MYBPC1: variants seen among roughly 807,000 people sequenced by gnomAD.
MYBPC1 encodes the protein myosin-binding protein C, slow-type.
Under a neutral mutation model 147.1 loss-of-function variants are expected in MYBPC1, and 52 were observed. That is an observed-to-expected ratio of 0.35 (90% confidence interval 0.28 to 0.45). The LOEUF (loss-of-function observed/expected upper bound fraction) is 0.45, where lower values mean the gene tolerates loss of function less well. Ranked by LOEUF, MYBPC1 falls within the 20% of genes least tolerant of loss-of-function variation. MYBPC1 has a pLI of 1.00. For missense variants in MYBPC1, 1,228 were observed against 1,440.3 expected, an observed-to-expected ratio of 0.85 and a Z score of 2.39; for synonymous variants, 477 against 475.9, an observed-to-expected ratio of 1.00 and a Z score of -0.03.
chr12:101,668,547 G>A (rs1213558057), intron 23 of MYBPC1, among the ~76,000 whole-genome samples: 2 of 152,044 alleles, frequency 1.3e-5, no homozygotes, highest in Non-Finnish European at 2.9e-5. Flanking sequence ...TGCAACCTCT[G>A]CCTCCCGGGT....
At chr12:101,621,219 C>T (rs1284395864) in intron 3 of MYBPC1, among the ~76,000 whole-genome samples, 4 of 152,152 alleles carry the variant, frequency 2.6e-5, no homozygotes, top group Non-Finnish European at 4.4e-5. Flanking sequence ...TCTATGTATT[C>T]TAATTACATT....
Position 101,629,453 on chromosome 12 carries a change from T to C in MYBPC1, c.198T>C (p.Thr66=). 6.2e-7 allele frequency: 1 copy of C among 1,613,290 alleles called. No individual in the cohort carries two copies. The highest frequency in any genetic ancestry group is 1.7e-4 in the Middle Eastern group (1 of 6,060). Residue 66 remains threonine (T), a synonymous_variant, in exon 6 of 32, where the codon ACT becomes ACC. Transcript: ENST00000361466. ...CATCAGACTGGACCCTTGTCGAAAC[T>C]CCTCCTGGGGAGGAACAAGCCAAGC... ...RKDSDWTLVE[T]PPGEEQAKQN... is the part of the protein sequence containing the mutation.
At chr12:101,683,435 T>TA (rs1285932650) in intron 30 of MYBPC1, among the ~76,000 whole-genome samples, 2 of 151,756 alleles carry the variant, frequency 1.3e-5, no homozygotes, top group South Asian at 2.1e-4. Flanking sequence ...AAATAAAAAA[T>TA]AAAAAAAATA....
intron 21 of MYBPC1, 46 bp from the exon 22 acceptor site, chr12:101,663,380 C>T (rs1299953464): frequency 1.3e-6 from 2 of 1,524,646 alleles, no homozygotes; most frequent in Non-Finnish European, 1.8e-6. Flanking sequence ...TGCACTATAG[C>T]TGTGTAGTAA....
intron 23 of MYBPC1, chr12:101,670,036 CA>C: frequency 2.1e-6 from 1 of 474,064 alleles, no homozygotes; most frequent in Non-Finnish European, 3.9e-6. Context: ...CTTATTACAA[CA>C]ATAAAAATAC....
chr12:101,672,190 G>A (rs921086239), intron 24 of MYBPC1, among the ~76,000 whole-genome samples: 13 of 152,130 alleles, frequency 8.5e-5, no homozygotes, highest in African/African-American at 2.4e-4. Context: ...CAACAACGTC[G>A]TTCTCTGCTT....
the MYBPC1 span, among the ~76,000 whole-genome samples, chr12:101,694,589 G>A: frequency 6.6e-6 from 1 of 152,182 alleles, no homozygotes; most frequent in African/African-American, 2.4e-5. Context: ...TCTGTCATGT[G>A]AAGACATAGA....
chr12:101,652,495 TC>T (rs776792792), intron 16 of MYBPC1, among the ~76,000 whole-genome samples, 182 bp from the exon 17 acceptor site: 2 of 152,118 alleles, frequency 1.3e-5, no homozygotes, highest in Non-Finnish European at 2.9e-5. Context: ...TTAATTTGAA[TC>T]AATAAGTAGG....
intron 31 of MYBPC1, 42 bp from the exon 32 acceptor site, chr12:101,685,540 A>G: frequency 7.4e-7 from 1 of 1,345,620 alleles, no homozygotes; most frequent in Non-Finnish European, 1.0e-6. Flanking sequence ...TTTTTCAGGT[A>G]GATGGTTTTG....
At chr12:101,678,334 G>A in intron 28 of MYBPC1, 96 bp downstream of exon 28, 1 of 1,531,238 alleles carries the variant, frequency 6.5e-7, no homozygotes. Context: ...GCTGCTACTT[G>A]TGTCTTCCCA....
At chr12:101,675,867 T>G (rs1899838396) in intron 26 of MYBPC1, among the ~76,000 whole-genome samples, 1 of 152,276 alleles carries the variant, frequency 6.6e-6, no homozygotes, top group Non-Finnish European at 1.5e-5. Flanking sequence ...TGTTGGATAC[T>G]GTGCACTTAT....
At chr12:101,608,131 A>G (rs1388029674) in intron 1 of MYBPC1, among the ~76,000 whole-genome samples, 1 of 152,032 alleles carries the variant, frequency 6.6e-6, no homozygotes, top group Non-Finnish European at 1.5e-5. Context: ...AAAATCCACC[A>G]TAAATAGATC....
At chr12:101,599,203 G>A (rs1878784645) in intron 1 of MYBPC1, among the ~76,000 whole-genome samples, 2 of 152,266 alleles carry the variant, frequency 1.3e-5, no homozygotes, top group South Asian at 4.1e-4. Context: ...GCATGGCTTT[G>A]TTACTGCAGA....
chr12:101,666,791 C>A, intron 22 of MYBPC1: 1 of 1,613,480 alleles, frequency 6.2e-7, no homozygotes, highest in South Asian at 1.1e-5. Context: ...TGCCTATGAT[C>A]TGCCAGGTAA....
rs200603458 is a variant in MYBPC1 at position 101,678,261 on chromosome 12, C to T, written c.3246+23C>T. ...AAGGTACCATGTTCTTCTATCACAT[C>T]AGTTAAAGTCCCTGTCTTGTATTTG... On this transcript the variant is annotated intron_variant, in intron 28 of 31. Coordinates refer to ENST00000361466, the MANE Select transcript of MYBPC1 (RefSeq NM_002465.4). 61 of 1,612,720 alleles carry T rather than the reference C, an allele frequency of 3.8e-5. 1 individual carries two copies. The Middle Eastern group carries it at 5.0e-4, about 13-fold the overall frequency.
intron 12 of MYBPC1, among the ~76,000 whole-genome samples, chr12:101,645,444 G>A (rs950937882): frequency 2.0e-5 from 3 of 152,182 alleles, no homozygotes; most frequent in East Asian, 3.8e-4. Flanking sequence ...CAGCCTGAGA[G>A]ATTTTCAACT....
intron 17 of MYBPC1, 97 bp downstream of exon 17, chr12:101,652,881 A>G: frequency 8.4e-7 from 1 of 1,189,938 alleles, no homozygotes; most frequent in Non-Finnish European, 1.2e-6. Flanking sequence ...AGTGACATTT[A>G]AGGAAAAATA....
chr12:101,623,701 C>T (rs1887947026), intron 3 of MYBPC1, among the ~76,000 whole-genome samples: 1 of 152,142 alleles, frequency 6.6e-6, no homozygotes, highest in African/African-American at 2.4e-5. Context: ...TTAATTTTTA[C>T]AGGACTTTAA....
chr12:101,660,446 C>T (rs1341802949), intron 19 of MYBPC1: 1 of 166,082 alleles, frequency 6.0e-6, no homozygotes, highest in African/African-American at 2.4e-5. Flanking sequence ...CAACCATATT[C>T]AACATTTAGA....
Sources: allele counts gnomAD v4.1 joint callset (sites outside exome capture counted in the v4.1 genomes callset), GRCh38; gene constraint gnomAD v4.1.1; transcripts MANE v1.5; gene names NCBI Gene and HGNC (gene_info 2026-07-23, HGNC 2026-07-21).